SLCO3A1: variants seen among roughly 807,000 people sequenced by gnomAD.
SLCO3A1 encodes PGE1 transporter.
A neutral mutation model predicts 63.1 loss-of-function variants in SLCO3A1; 27 were observed. The ratio of observed to expected loss-of-function variants is 0.43; its 90% confidence interval spans 0.32 to 0.59. SLCO3A1 has a LOEUF of 0.59. Ranked by LOEUF, SLCO3A1 falls within the 20% of genes least tolerant of loss-of-function variation. The pLI, the probability that SLCO3A1 is intolerant of heterozygous loss-of-function variation, is 0.09. For synonymous variants in SLCO3A1, 473 were observed against 409.9 expected, an observed-to-expected ratio of 1.15 and a Z score of -1.86; for missense variants, 773 against 945.8, an observed-to-expected ratio of 0.82 and a Z score of 2.40.
intron 2 of SLCO3A1, among the ~76,000 whole-genome samples, chr15:91,958,705 C>T (rs997142771): frequency 1.3e-5 from 2 of 152,146 alleles, no homozygotes; most frequent in African/African-American, 4.8e-5. Context: ...GAAATTAAAA[C>T]CACAATGATA....
intron 9 of SLCO3A1, among the ~76,000 whole-genome samples, chr15:92,156,217 G>A (rs1028328203): frequency 3.3e-5 from 5 of 152,196 alleles, no homozygotes; most frequent in Non-Finnish European, 5.9e-5. Context: ...ATGCCCAGGG[G>A]CCCCAGGTGA....
chr15:92,128,564 GGTT>G lies in SLCO3A1; in HGVS notation c.1512+79_1512+81del, dbSNP rs370759065. ...GGCTTAAAACCCAAGTTTTTGCCCA[GGTT>G]GTTCGCCTTCCCTGTGACTTTTTCT... is the stretch of plus-strand genomic sequence containing the variant. On this transcript the variant is annotated intron_variant, in intron 7 of 9. Transcript: ENST00000318445. 46 of 1,378,526 alleles carry G rather than the reference GGTT, an allele frequency of 3.3e-5. No individual in the cohort carries two copies. The African/African-American group carries it at 6.6e-4, about 20-fold the overall frequency. 85.4% of individuals were successfully genotyped at this position (1,378,526 alleles called of 1,614,324 possible).
chr15:92,016,913 G>A (rs929039429), intron 2 of SLCO3A1, among the ~76,000 whole-genome samples: 1 of 152,198 alleles, frequency 6.6e-6, no homozygotes, highest in Non-Finnish European at 1.5e-5. Context: ...ACTAGGGCTT[G>A]ATCGCACATT....
intron 9 of SLCO3A1, among the ~76,000 whole-genome samples, chr15:92,154,866 A>C (rs1293218591): frequency 6.6e-6 from 1 of 152,110 alleles, no homozygotes; most frequent in African/African-American, 2.4e-5. Flanking sequence ...AGATACAGGA[A>C]CTGTAAAAAC....
At chr15:91,928,108 C>T (rs1411343160) in intron 2 of SLCO3A1, among the ~76,000 whole-genome samples, 1 of 152,156 alleles carries the variant, frequency 6.6e-6, no homozygotes, top group Non-Finnish European at 1.5e-5. Flanking sequence ...TAAATATCAG[C>T]CTTGTTACTG....
chr15:92,165,868 A>G lies in SLCO3A1; in HGVS notation c.*2733A>G, dbSNP rs1201109669. 2 of 985,252 alleles carry G rather than the reference A, an allele frequency of 2.0e-6. No individual in the cohort carries two copies. The highest frequency in any genetic ancestry group is 1.7e-5 in the African/African-American group (1 of 57,240). 61.0% of individuals were successfully genotyped at this position (985,252 alleles called of 1,614,324 possible). On this transcript the variant is annotated 3_prime_UTR_variant, in exon 10 of 10. Transcript: ENST00000318445. ...TAAGATCATTGGATTTACAGAATAC[A>G]AAAATGTACGGGATGGAATAAACCT...
exon 11 of SLCO3A1, chr15:92,171,826 A>T (rs764308851): frequency 2.8e-5 from 43 of 1,551,480 alleles, no homozygotes; most frequent in Non-Finnish European, 3.1e-5. Flanking sequence ...GCCCCGAATC[A>T]CATTCACCTT....
chr15:91,986,638 TC>T (rs2046057254), intron 2 of SLCO3A1, among the ~76,000 whole-genome samples: 1 of 151,732 alleles, frequency 6.6e-6, no homozygotes, highest in Non-Finnish European at 1.5e-5. Flanking sequence ...GGTTGACACT[TC>T]CAGCGCACCT....
chr15:91,901,236 A>T (rs1306108942), intron 1 of SLCO3A1, among the ~76,000 whole-genome samples: 1 of 152,206 alleles, frequency 6.6e-6, no homozygotes, highest in Non-Finnish European at 1.5e-5. Context: ...ATTCTCTAGA[A>T]CATGGAAACT....
intron 9 of SLCO3A1, among the ~76,000 whole-genome samples, chr15:92,160,133 A>G (rs988391393): frequency 6.6e-6 from 1 of 152,168 alleles, no homozygotes; most frequent in East Asian, 2.0e-4. Context: ...AAAGGTCACA[A>G]GGAGGGAGGA....
intron 9 of SLCO3A1, among the ~76,000 whole-genome samples, chr15:92,156,686 A>C (rs2048375293): frequency 6.6e-6 from 1 of 152,210 alleles, no homozygotes; most frequent in African/African-American, 2.4e-5. Context: ...AGGAGAATAC[A>C]CTTTTCAGCA....
intron 1 of SLCO3A1, among the ~76,000 whole-genome samples, chr15:91,903,277 C>T (rs1056928312): frequency 2.6e-5 from 4 of 152,164 alleles, no homozygotes; most frequent in Admixed American, 1.3e-4. Context: ...AAAGGTTGGT[C>T]AGTGTGTTTT....
At chr15:91,966,370 T>G (rs765346854) in intron 2 of SLCO3A1, among the ~76,000 whole-genome samples, 145 of 152,122 alleles carry the variant, frequency 9.5e-4, no homozygotes, top group Non-Finnish European at 1.9e-3. Context: ...AGCTCAGATT[T>G]TAGCTGACGA....
intron 2 of SLCO3A1, among the ~76,000 whole-genome samples, chr15:91,931,804 C>CACACACAG (rs1899244083): frequency 6.6e-6 from 1 of 151,356 alleles, no homozygotes; most frequent in African/African-American, 2.4e-5. Context: ...CACACACGCA[C>CACACACAG]ACACACACAC....
At chr15:91,911,608 G>A (rs907886433) in intron 1 of SLCO3A1, among the ~76,000 whole-genome samples, 2 of 151,940 alleles carry the variant, frequency 1.3e-5, no homozygotes, top group African/African-American at 2.4e-5. Flanking sequence ...ATATATATAC[G>A]TATCTATATC....
At chr15:92,088,033 G>T (rs113777499) in intron 2 of SLCO3A1, among the ~76,000 whole-genome samples, 4 of 152,176 alleles carry the variant, frequency 2.6e-5, no homozygotes, top group African/African-American at 9.7e-5. Flanking sequence ...AGAGACATCT[G>T]CAGAGGGACT....
intron 6 of SLCO3A1, among the ~76,000 whole-genome samples, chr15:92,126,675 A>G (rs1213147422): frequency 6.6e-6 from 1 of 152,190 alleles, no homozygotes; most frequent in Non-Finnish European, 1.5e-5. Flanking sequence ...GATCTGGCCC[A>G]TGGCAGGTGT....
chr15:92,024,258 T>G (rs542142208), intron 2 of SLCO3A1, among the ~76,000 whole-genome samples: 1 of 152,036 alleles, frequency 6.6e-6, no homozygotes, highest in South Asian at 2.1e-4. Context: ...TTTAGTGGAG[T>G]CTGTGTGTTC....
intron 2 of SLCO3A1, among the ~76,000 whole-genome samples, chr15:92,021,128 C>T (rs1176158210): frequency 2.0e-5 from 3 of 152,210 alleles, no homozygotes; most frequent in African/African-American, 4.8e-5. Context: ...CTATCATCAC[C>T]TGTATGGTTG....
Sources: allele counts gnomAD v4.1 joint callset (sites outside exome capture counted in the v4.1 genomes callset), GRCh38; gene constraint gnomAD v4.1.1; transcripts MANE v1.5; gene names NCBI Gene and HGNC (gene_info 2026-07-23, HGNC 2026-07-21).